Variants in ASIC2 observed in about 807,000 individuals in gnomAD.
ASIC2 encodes the protein acid-sensing ion channel 2.
ASIC2 carries 25 observed loss-of-function variants against 57.3 expected under a neutral mutation model. The ratio of observed to expected loss-of-function variants is 0.44; its 90% CI spans 0.32 to 0.61. The LOEUF (loss-of-function observed/expected upper bound fraction) is 0.61. Among genes scored for constraint, ASIC2 ranks in the 20% least tolerant of loss-of-function variants. ASIC2 has a pLI of 0.06. For synonymous variants in ASIC2, 319 were observed against 307.5 expected, an observed-to-expected ratio of 1.04 and a Z score of -0.39; for missense variants, 641 against 738.1, an observed-to-expected ratio of 0.87 and a Z score of 1.52.
intron 1 of ASIC2, among the ~76,000 whole-genome samples, chr17:33,873,174 TC>T (rs1298142385): frequency 2.0e-5 from 3 of 152,176 alleles, no homozygotes; most frequent in Non-Finnish European, 4.4e-5. Context: ...TTCAATACAT[TC>T]TTTTTTTGGC....
intron 1 of ASIC2, among the ~76,000 whole-genome samples, chr17:34,054,601 C>G (rs1908695182): frequency 6.6e-6 from 1 of 152,188 alleles, no homozygotes; most frequent in Admixed American, 6.5e-5. Context: ...GTCTTCAAAA[C>G]ATGCCAAAAT....
intron 3 of ASIC2, among the ~76,000 whole-genome samples, chr17:33,087,030 A>G (rs550823474): frequency 3.4e-4 from 52 of 152,234 alleles, no homozygotes; most frequent in Admixed American, 2.4e-3. Flanking sequence ...CCTCTTCCCT[A>G]CTGCAAAAGT....
chr17:33,214,810 A>T (rs774249510), intron 1 of ASIC2, among the ~76,000 whole-genome samples: 8 of 152,216 alleles, frequency 5.3e-5, no homozygotes, highest in Non-Finnish European at 5.9e-5. Flanking sequence ...GCTGCATGCC[A>T]GCTGCTGTGC....
intron 3 of ASIC2, among the ~76,000 whole-genome samples, chr17:33,070,568 C>T (rs772799534): frequency 4.6e-5 from 7 of 152,074 alleles, no homozygotes; most frequent in Non-Finnish European, 8.8e-5. Context: ...GATCTCTTGA[C>T]CTTGTGATCC....
chr17:34,146,624 C>G (rs1912424138), intron 1 of ASIC2: 1 of 152,214 alleles, frequency 6.6e-6, no homozygotes, highest in African/African-American at 2.4e-5. Context: ...CAGTCAGTCA[C>G]TGGCCACTGG....
chr17:33,728,847 G>T (rs892438916), intron 1 of ASIC2, among the ~76,000 whole-genome samples: 3 of 152,164 alleles, frequency 2.0e-5, no homozygotes, highest in African/African-American at 7.2e-5. Flanking sequence ...TATCTACAGA[G>T]GAGCCAGGGA....
At chr17:33,514,408 C>T (rs1031070146) in intron 1 of ASIC2, among the ~76,000 whole-genome samples, 7 of 152,076 alleles carry the variant, frequency 4.6e-5, no homozygotes, top group Non-Finnish European at 8.8e-5. Flanking sequence ...AACCTCATCG[C>T]GGTCCTTGCC....
At chr17:34,050,817 C>T (rs184182631) in intron 1 of ASIC2, among the ~76,000 whole-genome samples, 40 of 152,236 alleles carry the variant, frequency 2.6e-4, no homozygotes, top group African/African-American at 9.1e-4. Flanking sequence ...CAGAGGAAGA[C>T]AAAAGGAGCA....
chr17:33,778,304 A>G (rs1450597211), intron 1 of ASIC2, among the ~76,000 whole-genome samples: 3 of 152,152 alleles, frequency 2.0e-5, no homozygotes, highest in African/African-American at 4.8e-5. Context: ...GAACCAATAC[A>G]TCCAAAAGAA....
intron 1 of ASIC2, among the ~76,000 whole-genome samples, chr17:33,892,882 G>A (rs909381822): frequency 6.6e-6 from 1 of 152,172 alleles, no homozygotes; most frequent in African/African-American, 2.4e-5. Context: ...AACCAAGGGA[G>A]CATAGCCAGC....
chr17:33,618,295 C>T (rs1905671606), intron 1 of ASIC2, among the ~76,000 whole-genome samples: 1 of 151,936 alleles, frequency 6.6e-6, no homozygotes, highest in Non-Finnish European at 1.5e-5. Context: ...CTCAAACTAT[C>T]CTCCTGCCTC....
chr17:33,459,338 G>C (rs1442146060), intron 1 of ASIC2, among the ~76,000 whole-genome samples: 1 of 152,042 alleles, frequency 6.6e-6, no homozygotes, highest in Non-Finnish European at 1.5e-5. Context: ...GTCCCTGAGA[G>C]GCTGCCTCCC....
At chr17:33,404,560 G>A (rs188009203) in intron 1 of ASIC2, among the ~76,000 whole-genome samples, 8 of 152,280 alleles carry the variant, frequency 5.3e-5, no homozygotes, top group African/African-American at 1.9e-4. Context: ...CCAATCAGTT[G>A]CACTCCAGAC....
At chr17:33,664,027 C>A (rs558993465) in intron 1 of ASIC2, among the ~76,000 whole-genome samples, 2 of 152,140 alleles carry the variant, frequency 1.3e-5, no homozygotes, top group African/African-American at 4.8e-5. Context: ...ATTTTCCAAG[C>A]ACCTCCTTTG....
intron 1 of ASIC2, among the ~76,000 whole-genome samples, chr17:33,251,986 T>A (rs1908900265): frequency 6.6e-6 from 1 of 152,190 alleles, no homozygotes; most frequent in South Asian, 2.1e-4. Context: ...CCCTGTGAGG[T>A]AAGCAGGCCA....
chr17:33,254,343 G>A (rs1352831233), intron 1 of ASIC2, among the ~76,000 whole-genome samples: 1 of 152,214 alleles, frequency 6.6e-6, no homozygotes, highest in East Asian at 1.9e-4. Flanking sequence ...ATCTTAAAAT[G>A]TATATCTCGG....
At chr17:33,716,660 G>A (rs893312062) in intron 1 of ASIC2, among the ~76,000 whole-genome samples, 6 of 151,950 alleles carry the variant, frequency 3.9e-5, no homozygotes, top group Non-Finnish European at 8.8e-5. Flanking sequence ...ACTCAGAATT[G>A]TTCTCTATAT....
intron 1 of ASIC2, among the ~76,000 whole-genome samples, chr17:33,387,709 G>C (rs997849107): frequency 3.3e-5 from 5 of 152,234 alleles, no homozygotes; most frequent in African/African-American, 1.2e-4. Context: ...GGCCCGGAAA[G>C]CAATCTTCTA....
chr17:33,422,986 C>T (rs1020318634), intron 1 of ASIC2, among the ~76,000 whole-genome samples: 6 of 152,104 alleles, frequency 3.9e-5, no homozygotes, highest in Non-Finnish European at 5.9e-5. Flanking sequence ...GCCGCACAGC[C>T]CTGGCCACCA....
Sources: allele counts gnomAD v4.1 joint callset (sites outside exome capture counted in the v4.1 genomes callset), GRCh38; gene constraint gnomAD v4.1.1; transcripts MANE v1.5; gene names NCBI Gene and HGNC (gene_info 2026-07-23, HGNC 2026-07-21).